The following ABCB11 variants were observed in gnomAD, a reference collection of about 807,000 sequenced individuals.
ABCB11 encodes ATP binding cassette subfamily B member 11, also known as bile salt export pump.
In ABCB11, 95 loss-of-function variants were observed where a neutral mutation model predicts 148.0. The observed-to-expected ratio is 0.64, with a 90% CI of 0.54 to 0.76. The LOEUF is 0.76. ABCB11 is among the 30% of genes least tolerant of loss of function. ABCB11 has a pLI of 0.00. For synonymous variants in ABCB11, 591 were observed against 555.4 expected, an observed-to-expected ratio of 1.06 and a Z score of -0.90; for missense variants, 1,523 against 1,617.8, an observed-to-expected ratio of 0.94 and a Z score of 1.01.
intron 1 of ABCB11, among the ~76,000 whole-genome samples, chr2:169,019,591 CTA>C (rs1314152606): frequency 6.6e-6 from 1 of 152,136 alleles, no homozygotes; most frequent in Admixed American, 6.6e-5. Context: ...CCTGAGAATA[CTA>C]TATTTTTCAT....
At chr2:168,979,372 C>A (rs951442315) in intron 11 of ABCB11, among the ~76,000 whole-genome samples, 15 of 152,096 alleles carry the variant, frequency 9.9e-5, no homozygotes, top group African/African-American at 3.1e-4. Context: ...AGAGATACTG[C>A]CACCACCACC....
intron 21 of ABCB11, among the ~76,000 whole-genome samples, chr2:168,943,900 T>C (rs1692183286): frequency 6.6e-6 from 1 of 152,014 alleles, no homozygotes; most frequent in Non-Finnish European, 1.5e-5. Context: ...TATTATTTCT[T>C]TTTAAAAATA....
At chr2:169,002,674 C>T (rs1558920694) in intron 5 of ABCB11, among the ~76,000 whole-genome samples, 1 of 152,068 alleles carries the variant, frequency 6.6e-6, no homozygotes, top group Non-Finnish European at 1.5e-5. Context: ...TGAAATAAGC[C>T]AGGCACAGAA....
At position 168,987,857 on chromosome 2, in the gene ABCB11, C is replaced by T. The variant is rs543294748; in HGVS notation, c.909-1573G>A. Among the ~76,000 whole-genome samples the T allele has an allele frequency of 6.6e-5, 10 of 152,180 alleles. No homozygotes were observed. In the East Asian group the frequency reaches 1.9e-3, roughly 29 times the overall value. On this transcript the variant is annotated intron_variant, in intron 9 of 27. Transcript: ENST00000650372. ...GAAATAGCATTTTGAATCATGCTGG[C>T]ATTTCTTTATTATTTTTTAATTGAC... is the stretch of plus-strand genomic sequence containing the variant.
At chr2:168,969,232 A>G in intron 16 of ABCB11, 118 bp downstream of exon 16, 1 of 939,472 alleles carries the variant, frequency 1.1e-6, no homozygotes, top group Non-Finnish European at 1.6e-6. Context: ...TACCATCTAT[A>G]TAACGCCTGC....
At position 168,921,379 on chromosome 2, in the gene ABCB11, G is replaced by A. The variant is rs1691070057; in HGVS notation, c.*2243C>T. On this transcript the variant is annotated 3_prime_UTR_variant, in exon 28 of 28. Coordinates refer to ENST00000650372, the MANE Select transcript of ABCB11 (RefSeq NM_003742.4). ...AAGAAAAACCATCTACGTAGAGTGAGCTTGGGAGGAAGCTGGAGTAGGGAG... is the reference window on the plus strand; with the variant it reads ...AAGAAAAACCATCTACGTAGAGTGAACTTGGGAGGAAGCTGGAGTAGGGAG... 6.6e-6 allele frequency among the ~76,000 whole-genome samples: 1 copy of A among 152,200 alleles called. No individual in the cohort carries two copies.
chr2:168,989,979 ATTC>A (rs1198302022), intron 9 of ABCB11, among the ~76,000 whole-genome samples: 1 of 152,106 alleles, frequency 6.6e-6, no homozygotes, highest in African/African-American at 2.4e-5. Context: ...ATGGTGAATG[ATTC>A]TTTTAATGTG....
At position 168,995,437 on chromosome 2, in the gene ABCB11, T is replaced by C. The variant is rs1222724474; in HGVS notation, c.523A>G (p.Arg175Gly). Residue 175 changes from arginine (R) to glycine (G), a missense_variant, in exon 7 of 28, where the codon AGA becomes GGA. Transcript: ENST00000650372. ...ATTATTCTCCTAAAGTAAAATTTTC[T>C]CATTTTCTGTATCTGACGAGCTGCG... ...IAAARQIQKMRKFYFRRIMRM... is the reference protein window; with the variant it reads ...IAAARQIQKMGKFYFRRIMRM... 6.2e-7 allele frequency: 1 copy of C among 1,612,134 alleles called. No homozygotes were observed. The highest frequency in any genetic ancestry group is 1.3e-5 in the African/African-American group (1 of 74,794).
At chr2:168,999,203 G>A (rs529704338) in intron 5 of ABCB11, among the ~76,000 whole-genome samples, 4 of 151,744 alleles carry the variant, frequency 2.6e-5, no homozygotes, top group African/African-American at 4.8e-5. Context: ...ATAAAGAGAC[G>A]TTTTACAAAT....
chr2:168,939,404 G>C (rs989243205), intron 21 of ABCB11, among the ~76,000 whole-genome samples: 4 of 152,010 alleles, frequency 2.6e-5, no homozygotes, highest in Admixed American at 6.6e-5. Context: ...TACATTGTAT[G>C]AAAGTGTCAG....
At chr2:168,925,776 C>T (rs1213134353) in intron 26 of ABCB11, among the ~76,000 whole-genome samples, 2 of 152,144 alleles carry the variant, frequency 1.3e-5, no homozygotes, top group African/African-American at 4.8e-5. Context: ...TTTGTGGAGA[C>T]AAAGTGCTCA....
intron 18 of ABCB11, among the ~76,000 whole-genome samples, chr2:168,962,303 T>A (rs1301271025): frequency 6.6e-6 from 1 of 151,752 alleles, no homozygotes; most frequent in African/African-American, 2.4e-5. Flanking sequence ...AGTTTAATTG[T>A]TCTATTCTAA....
intron 9 of ABCB11, among the ~76,000 whole-genome samples, chr2:168,987,390 C>A (rs1485681397): frequency 1.3e-5 from 2 of 152,136 alleles, no homozygotes; most frequent in African/African-American, 4.8e-5. Flanking sequence ...TTTCTTTTCA[C>A]TGGGAGTTAA....
At chr2:168,950,147 AC>A (rs1692497043) in intron 19 of ABCB11, among the ~76,000 whole-genome samples, 1 of 143,642 alleles carries the variant, frequency 7.0e-6, no homozygotes, top group South Asian at 2.3e-4. Context: ...ATATACACAC[AC>A]ACACACACAC....
chr2:168,950,146 C>T (rs71430653), intron 19 of ABCB11, among the ~76,000 whole-genome samples: 67,223 of 145,812 alleles, frequency 0.46, 16,384 homozygotes, highest in South Asian at 0.63. Context: ...TATATACACA[C>T]ACACACACAC....
At chr2:168,957,560 A>G (rs1692853984) in intron 19 of ABCB11, among the ~76,000 whole-genome samples, 2 of 151,668 alleles carry the variant, frequency 1.3e-5, no homozygotes, top group South Asian at 2.1e-4. Flanking sequence ...AAACACTAAC[A>G]CCTGCTATAT....
At chr2:168,920,159 C>A (rs946484884), downstream of ABCB11, among the ~76,000 whole-genome samples, 25 of 152,162 alleles carry the variant, frequency 1.6e-4, no homozygotes, top group African/African-American at 6.0e-4. Flanking sequence ...AGCCACTGTG[C>A]CCAGTCACAT....
At chr2:168,955,098 C>T (rs1692732712) in intron 19 of ABCB11, among the ~76,000 whole-genome samples, 1 of 151,468 alleles carries the variant, frequency 6.6e-6, no homozygotes, top group South Asian at 2.1e-4. Flanking sequence ...AGAATTTCTG[C>T]TTATTTTTTT....
rs751184283 is a variant in ABCB11 at position 168,970,018 on chromosome 2, G to A, written c.1809+27C>T. The A allele has an allele frequency of 4.6e-5, 74 of 1,603,328 alleles. No individual in the cohort carries two copies. In the Middle Eastern group the frequency reaches 6.2e-4, roughly 13 times the overall value. ...AGCACAAGCATTTCCACATGGACCT[G>A]TAAAATGGACTAAGACTTCCACAAA... On this transcript the variant is annotated intron_variant, in intron 15 of 27. Coordinates refer to ENST00000650372, the MANE Select transcript of ABCB11 (RefSeq NM_003742.4).
Sources: gnomAD v4.1 joint callset for allele counts (sites outside exome capture counted in the v4.1 genomes callset) on GRCh38, gnomAD v4.1.1 for gene constraint, MANE v1.5 for transcripts, NCBI Gene and HGNC (gene_info 2026-07-23, HGNC 2026-07-21) for gene names.